Variants in IGSF11 observed in about 807,000 individuals in gnomAD.
IGSF11 encodes the protein immunoglobulin superfamily member 11, also known as CXADR like 1.
In IGSF11, 22 loss-of-function variants were observed where a neutral mutation model predicts 41.0. The observed-to-expected ratio is 0.54, with a 90% CI of 0.38 to 0.77. IGSF11 has a LOEUF of 0.77. Ranked by LOEUF, IGSF11 falls within the 30% of genes least tolerant of loss-of-function variation. The pLI is 0.00. For synonymous variants in IGSF11, 219 were observed against 201.3 expected, an observed-to-expected ratio of 1.09 and a Z score of -0.74; for missense variants, 444 against 530.8, an observed-to-expected ratio of 0.84 and a Z score of 1.61.
upstream of IGSF11, among the ~76,000 whole-genome samples, chr3:119,037,780 G>T (rs1940970533): frequency 6.6e-6 from 1 of 152,126 alleles, no homozygotes; most frequent in Non-Finnish European, 1.5e-5. Flanking sequence ...AGCTTAGGAG[G>T]AACATAATTA....
At chr3:119,017,704 T>A (rs76786037) in intron 1 of IGSF11, among the ~76,000 whole-genome samples, 24 of 149,372 alleles carry the variant, frequency 1.6e-4, no homozygotes, top group African/African-American at 5.3e-4. Context: ...GCATTCAAAA[T>A]TTTTTTTTCC....
At chr3:119,012,611 T>C (rs1372050180) in intron 1 of IGSF11, among the ~76,000 whole-genome samples, 4 of 152,176 alleles carry the variant, frequency 2.6e-5, no homozygotes, top group Non-Finnish European at 5.9e-5. Context: ...ACATTTCTCA[T>C]CTCTTAAATA....
chr3:118,921,446 G>A (rs781578215), intron 4 of IGSF11, among the ~76,000 whole-genome samples: 1 of 152,138 alleles, frequency 6.6e-6, no homozygotes, highest in East Asian at 1.9e-4. Context: ...GGAATGAAAA[G>A]GAGACTAAAT....
At chr3:119,005,465 T>A (rs1347750771) in intron 1 of IGSF11, among the ~76,000 whole-genome samples, 1 of 150,530 alleles carries the variant, frequency 6.6e-6, no homozygotes, top group African/African-American at 2.5e-5. Flanking sequence ...CCATTTACAT[T>A]TAAAGTTAAT....
intron 1 of IGSF11, among the ~76,000 whole-genome samples, chr3:118,968,525 T>C (rs185619374): frequency 1.9e-4 from 29 of 152,228 alleles, no homozygotes; most frequent in African/African-American, 7.0e-4. Flanking sequence ...ATAAATGAAA[T>C]ACTGAGCTAG....
At chr3:118,935,915 G>T (rs530825956) in intron 1 of IGSF11, among the ~76,000 whole-genome samples, 1 of 152,258 alleles carries the variant, frequency 6.6e-6, no homozygotes, top group African/African-American at 2.4e-5. Context: ...TCTAGGGAAA[G>T]AACTGACTCA....
intron 4 of IGSF11, among the ~76,000 whole-genome samples, chr3:118,923,496 C>T (rs984771657): frequency 3.9e-5 from 6 of 152,126 alleles, no homozygotes; most frequent in Non-Finnish European, 7.4e-5. Context: ...TATATTGTTT[C>T]ATCAATTATC....
intron 1 of IGSF11, among the ~76,000 whole-genome samples, chr3:119,085,985 G>A (rs1347195605): frequency 1.3e-5 from 2 of 152,230 alleles, no homozygotes; most frequent in African/African-American, 4.8e-5. Flanking sequence ...CAGAGTTTTT[G>A]TGAGTTTCAA....
At chr3:119,045,436 C>A (rs370678242) in intron 1 of IGSF11, among the ~76,000 whole-genome samples, 13 of 152,338 alleles carry the variant, frequency 8.5e-5, no homozygotes, top group African/African-American at 2.4e-4. Context: ...GCTTTTGCGA[C>A]GGGCTTAAAA....
chr3:118,927,761 C>G (rs1446968593), intron 3 of IGSF11, among the ~76,000 whole-genome samples: 1 of 152,262 alleles, frequency 6.6e-6, no homozygotes, highest in South Asian at 2.1e-4. Flanking sequence ...GTTTAGCCAC[C>G]TCTACCACAA....
chr3:119,100,500 C>T (rs529362511), intron 1 of IGSF11, among the ~76,000 whole-genome samples: 5 of 152,254 alleles, frequency 3.3e-5, no homozygotes, highest in Admixed American at 1.3e-4. Flanking sequence ...AATTCCCATA[C>T]GTTGCCTACT....
intron 1 of IGSF11, among the ~76,000 whole-genome samples, chr3:119,125,527 G>A (rs114175184): frequency 0.016 from 2,453 of 151,962 alleles, 81 homozygotes; most frequent in African/African-American, 0.056. Context: ...AGGGCGGGAC[G>A]GTGTATTGTC....
chr3:119,098,687 T>C (rs181348765), intron 1 of IGSF11, among the ~76,000 whole-genome samples: 190 of 152,292 alleles, frequency 1.2e-3, no homozygotes, highest in Non-Finnish European at 1.6e-3. Context: ...AGAAAGTCAA[T>C]AAAATATGTT....
Position 118,928,583 on chromosome 3 carries a change from G to C in IGSF11, c.350C>G (p.Thr117Ser). The change falls in exon 3 of 7, where the codon ACC (threonine) becomes AGC (serine). Residue 117 changes from threonine to serine, a missense_variant. By Grantham distance (58) the Thr-to-Ser change is moderately conservative. Around this residue, in one of 3 missense-constraint regions of IGSF11, gnomAD observed 193 missense variants for 283.5 expected, o/e 0.68. Coordinates refer to ENST00000393775, the MANE Select transcript of IGSF11 (RefSeq NM_001015887.3). Reference protein sequence around the residue: ...INNTQLSDTGTYQCLVNNLPD... With the variant: ...INNTQLSDTGSYQCLVNNLPD... ...AAGGTTGTTGACCAGGCACTGGTAG[G>C]TGCCAGTGTCTGATAACTGAGTGTT... The C allele has an allele frequency of 6.2e-7, 1 of 1,613,788 alleles. No homozygotes were observed. The highest frequency in any genetic ancestry group is 1.1e-5 in the South Asian group (1 of 91,058).
chr3:119,084,374 T>C (rs981977422), intron 1 of IGSF11, among the ~76,000 whole-genome samples: 1 of 151,996 alleles, frequency 6.6e-6, no homozygotes, highest in Non-Finnish European at 1.5e-5. Flanking sequence ...ATGGAGGACA[T>C]CCCACTTGCA....
At chr3:118,978,199 G>A (rs945139466) in intron 1 of IGSF11, among the ~76,000 whole-genome samples, 2 of 152,116 alleles carry the variant, frequency 1.3e-5, no homozygotes, top group African/African-American at 4.8e-5. Context: ...CGTGGCACCT[G>A]AGCACTCCTC....
upstream of IGSF11, among the ~76,000 whole-genome samples, chr3:119,107,048 A>G (rs1391700305): frequency 6.6e-6 from 1 of 152,164 alleles, no homozygotes; most frequent in Non-Finnish European, 1.5e-5. Flanking sequence ...CAATCAACAT[A>G]CGTGTGCATG....
At chr3:119,023,368 A>T (rs1939501172) in intron 1 of IGSF11, among the ~76,000 whole-genome samples, 1 of 151,642 alleles carries the variant, frequency 6.6e-6, no homozygotes, top group Admixed American at 6.6e-5. Context: ...GCTTTTCAAG[A>T]TGTTAAAAAA....
chr3:119,109,226 T>C (rs1349758915), upstream of IGSF11, among the ~76,000 whole-genome samples: 1 of 147,982 alleles, frequency 6.8e-6, no homozygotes, highest in Non-Finnish European at 1.5e-5. Context: ...TCCTGGACTC[T>C]TTTTGGTTGG....
Sources: allele counts gnomAD v4.1 joint callset (sites outside exome capture counted in the v4.1 genomes callset), GRCh38; gene constraint gnomAD v4.1.1; regional missense constraint gnomAD v4.1.1; transcripts MANE v1.5; gene names NCBI Gene and HGNC (gene_info 2026-07-23, HGNC 2026-07-21).